Variants in PPP1R42 observed in about 807,000 individuals in gnomAD.
The protein encoded by PPP1R42 is leucine rich repeat containing 67.
A neutral mutation model predicts 31.0 loss-of-function variants in PPP1R42; 34 were observed. The ratio of observed to expected loss-of-function variants is 1.10; its 90% CI spans 0.83 to 1.46. The LOEUF (loss-of-function observed/expected upper bound fraction) is 1.46. Ranked by LOEUF, PPP1R42 falls within the 40% of genes most tolerant of loss-of-function variation. The pLI is 0.00. For missense variants in PPP1R42, 268 were observed against 303.0 expected (o/e 0.88, Z 0.86); for synonymous variants, 103 against 109.8 (o/e 0.94, Z 0.39).
chr8:67,006,994 C>T (rs933787713), intron 5 of PPP1R42, among the ~76,000 whole-genome samples: 19 of 150,368 alleles, frequency 1.3e-4, no homozygotes, highest in African/African-American at 3.7e-4. Flanking sequence ...CCACCCGCCT[C>T]GGCCTCCCAA....
rs1320462949 is a variant in PPP1R42 at position 66,978,437 on chromosome 8, G to T, written c.802+3612C>A. ...AGCCAAACCATATCACCAGCATTTG[G>T]TTTTTATTTTTGAGACTAAGTCTCA... On this transcript the variant is annotated intron_variant, in intron 7 of 7. Transcript: ENST00000685739. Among the ~76,000 whole-genome samples, 2 of 152,068 alleles carry T rather than the reference G, an allele frequency of 1.3e-5. 1 individual carries two copies. The highest frequency in any genetic ancestry group is 2.9e-5 in the Non-Finnish European group (2 of 68,000).
chr8:67,015,253 G>A (rs1330259438), intron 2 of PPP1R42, among the ~76,000 whole-genome samples: 1 of 152,142 alleles, frequency 6.6e-6, no homozygotes, highest in African/African-American at 2.4e-5. Flanking sequence ...TCCTGACCTC[G>A]TGATCCACCT....
At chr8:67,018,446 A>C (rs1317965613) in intron 1 of PPP1R42, among the ~76,000 whole-genome samples, 1 of 150,702 alleles carries the variant, frequency 6.6e-6, no homozygotes, top group African/African-American at 2.4e-5. Flanking sequence ...ACTGGATCTC[A>C]TGTTATGGTT....
At chr8:67,024,517 C>T (rs1425367702) in intron 1 of PPP1R42, among the ~76,000 whole-genome samples, 1 of 151,726 alleles carries the variant, frequency 6.6e-6, no homozygotes, top group African/African-American at 2.4e-5. Flanking sequence ...GCTCTGTTGC[C>T]CAGGCTGGAG....
intron 7 of PPP1R42, among the ~76,000 whole-genome samples, chr8:66,967,328 C>G (rs1303900883): frequency 6.6e-6 from 1 of 152,144 alleles, no homozygotes; most frequent in Non-Finnish European, 1.5e-5. Context: ...AGAGGGGGGA[C>G]TACCATAATT....
Position 67,013,069 on chromosome 8 carries a change from G to A in PPP1R42, c.324C>T (p.Val108=), listed in dbSNP as rs1815892532. The change falls in exon 4 of 8, where the codon GTC becomes GTT. Residue 108 remains valine (V), a synonymous_variant. Transcript: ENST00000685739. ...CTCCTAATCCTTCTAAACCTTCTAT[G>A]ACAGCAATGTAATTGCCTCCCAGAT... The part of the protein sequence containing the change: ...KLYLGGNYIA[V]IEGLEGLGEL... 6.2e-7 allele frequency: 1 copy of A among 1,603,872 alleles called. No homozygotes were observed. The highest frequency in any genetic ancestry group is 1.3e-5 in the African/African-American group (1 of 74,668).
rs116528317 is a variant in PPP1R42 at position 66,993,935 on chromosome 8, T to C, written c.553-5418A>G. Among the ~76,000 whole-genome samples the C allele has an allele frequency of 8.6e-3, 1,305 of 152,322 alleles. 16 individuals are homozygous for C. The highest frequency in any genetic ancestry group is 0.03 in the African/African-American group (1,228 of 41,570). On this transcript the variant is annotated intron_variant, in intron 5 of 7. Transcript: ENST00000685739. Reference sequence around the variant, plus strand: ...AGGGAGAAATAAGATGGAACCATTTTTGAAGAAGTTGCTAATTAGAGGTGC... The same window carrying C: ...AGGGAGAAATAAGATGGAACCATTTCTGAAGAAGTTGCTAATTAGAGGTGC...
intron 7 of PPP1R42, among the ~76,000 whole-genome samples, chr8:66,981,377 G>T (rs1814830124): frequency 6.7e-6 from 1 of 149,170 alleles, no homozygotes; most frequent in African/African-American, 2.5e-5. Flanking sequence ...TGTGATTTTT[G>T]CACTTTTTTT....
chr8:67,008,048 G>T (rs1360515811), intron 5 of PPP1R42, among the ~76,000 whole-genome samples: 1 of 151,566 alleles, frequency 6.6e-6, no homozygotes, highest in Non-Finnish European at 1.5e-5. Flanking sequence ...CACCATGCAC[G>T]GCTAATTTTT....
intron 1 of PPP1R42, 117 bp from the exon 2 acceptor site, chr8:67,017,948 G>T: frequency 2.3e-6 from 1 of 429,442 alleles, no homozygotes; most frequent in Non-Finnish European, 3.8e-6. Context: ...CTAGTTTATA[G>T]ACATTTTTAG....
intron 5 of PPP1R42, among the ~76,000 whole-genome samples, chr8:66,997,552 T>A (rs1815367881): frequency 6.6e-6 from 1 of 151,214 alleles, no homozygotes; most frequent in African/African-American, 2.4e-5. Context: ...CTTTTTTTTT[T>A]TTTTTTTCCC....
intron 7 of PPP1R42, among the ~76,000 whole-genome samples, chr8:66,968,990 T>C (rs1563411676): frequency 1.3e-5 from 2 of 152,350 alleles, no homozygotes; most frequent in South Asian, 4.1e-4. Context: ...TTTGGTTTGC[T>C]GGCTTCATTT....
intron 7 of PPP1R42, among the ~76,000 whole-genome samples, chr8:66,973,690 G>A (rs1270964824): frequency 2.0e-5 from 3 of 152,166 alleles, no homozygotes; most frequent in African/African-American, 7.2e-5. Flanking sequence ...TAGATCTCTA[G>A]AGTTTATTCA....
intron 5 of PPP1R42, among the ~76,000 whole-genome samples, chr8:66,992,335 C>T (rs1815211485): frequency 6.6e-6 from 1 of 152,092 alleles, no homozygotes; most frequent in Non-Finnish European, 1.5e-5. Context: ...ATATTGTAGC[C>T]ATGTGGATCT....
chr8:66,974,010 C>T (rs770205742), intron 7 of PPP1R42, among the ~76,000 whole-genome samples: 35 of 152,148 alleles, frequency 2.3e-4, no homozygotes, highest in African/African-American at 6.0e-4. Flanking sequence ...ACCTTGTTTC[C>T]GCATCTTGAC....
chr8:66,984,546 T>C, intron 6 of PPP1R42: 1 of 1,241,138 alleles, frequency 8.1e-7, no homozygotes, highest in Non-Finnish European at 1.2e-6. Flanking sequence ...TCTAACTCCA[T>C]CTCAATCTTG....
At chr8:66,972,223 C>T (rs1473466794) in intron 7 of PPP1R42, among the ~76,000 whole-genome samples, 1 of 152,052 alleles carries the variant, frequency 6.6e-6, no homozygotes, top group Non-Finnish European at 1.5e-5. Context: ...CCTGAGAGTT[C>T]CAGGTTTGTA....
At position 66,977,862 on chromosome 8, in the gene PPP1R42, T is replaced by C. The variant is rs7824459; in HGVS notation, c.802+4187A>G. ...TGGTGTCTTGCTTTGTTGCCCAGGC[T>C]GGTCTTGATCTCTTAGTCTCAACTG... On this transcript the variant is annotated intron_variant, in intron 7 of 7. Coordinates refer to ENST00000685739, the MANE Select transcript of PPP1R42 (RefSeq NM_001364910.1). Among the ~76,000 whole-genome samples the C allele has an allele frequency of 1.9e-3, 290 of 152,296 alleles. 3 individuals carry two copies. The highest frequency in any genetic ancestry group is 6.8e-3 in the African/African-American group (284 of 41,564).
At chr8:67,012,134 G>A (rs1258276173) in intron 4 of PPP1R42, among the ~76,000 whole-genome samples, 2 of 152,160 alleles carry the variant, frequency 1.3e-5, no homozygotes, top group South Asian at 2.1e-4. Context: ...TACTTGGGAC[G>A]CTGAGGCAGA....
Sources: gnomAD v4.1 joint callset for allele counts (sites outside exome capture counted in the v4.1 genomes callset) on GRCh38, gnomAD v4.1.1 for gene constraint, MANE v1.5 for transcripts, NCBI Gene and HGNC (gene_info 2026-07-23, HGNC 2026-07-21) for gene names.